RXRA: variants seen among roughly 807,000 people sequenced by gnomAD.
RXRA encodes the protein retinoid X receptor alpha.
In RXRA, 5 loss-of-function variants were observed where a neutral mutation model predicts 44.5. The ratio of observed to expected loss-of-function variants is 0.11; its 90% CI spans 0.06 to 0.24. The LOEUF is 0.24. Ranked by LOEUF, RXRA falls within the 10% of genes least tolerant of loss-of-function variation. The pLI is 1.00. For synonymous variants in RXRA, 291 were observed against 271.4 expected (o/e 1.07, Z -0.71); for missense variants, 412 against 646.5 (o/e 0.64, Z 3.93).
At chr9:134,332,540 G>A (rs1171891721) in intron 1 of RXRA, among the ~76,000 whole-genome samples, 1 of 151,910 alleles carries the variant, frequency 6.6e-6, no homozygotes, top group Admixed American at 6.5e-5. Context: ...GGGGAGGGGT[G>A]CCCAGAGGTA....
At chr9:134,386,612 C>T (rs1332784759) in intron 1 of RXRA, among the ~76,000 whole-genome samples, 1 of 152,216 alleles carries the variant, frequency 6.6e-6, no homozygotes, top group African/African-American at 2.4e-5. Flanking sequence ...CGTGGCCGTG[C>T]TGAGGGTGTC....
chr9:134,363,483 C>G (rs1348424581), intron 1 of RXRA, among the ~76,000 whole-genome samples: 1 of 152,260 alleles, frequency 6.6e-6, no homozygotes, highest in African/African-American at 2.4e-5. Context: ...AGCCCAGGCT[C>G]CTGGGTACCG....
intron 4 of RXRA, among the ~76,000 whole-genome samples, chr9:134,414,137 A>G (rs2119171109): frequency 6.6e-6 from 1 of 152,382 alleles, no homozygotes; most frequent in East Asian, 1.9e-4. Context: ...TCATATTTAT[A>G]ATGATGCTGG....
At chr9:134,418,796 G>A (rs116356116) in intron 5 of RXRA, among the ~76,000 whole-genome samples, 1,754 of 152,294 alleles carry the variant, frequency 0.012, 30 homozygotes, top group African/African-American at 0.038. Flanking sequence ...CGAGGCTGCT[G>A]GTGATGGCTG....
intron 7 of RXRA, among the ~76,000 whole-genome samples, chr9:134,431,090 C>T (rs1238145618): frequency 6.6e-6 from 1 of 152,246 alleles, no homozygotes; most frequent in African/African-American, 2.4e-5. Flanking sequence ...CCTTGGCCCA[C>T]AGGGGAGAGC....
chr9:134,391,508 CTGTGGGGCAGGCGGGG>C (rs1830799409), intron 1 of RXRA, among the ~76,000 whole-genome samples: 1 of 152,234 alleles, frequency 6.6e-6, no homozygotes, highest in African/African-American at 2.4e-5. Flanking sequence ...CACAGGCGGG[CTGTGGGGCAGGCGGGG>C]TTTCTCCAGG....
chr9:134,390,389 C>T (rs866179643), intron 1 of RXRA, among the ~76,000 whole-genome samples: 18 of 152,222 alleles, frequency 1.2e-4, no homozygotes, highest in South Asian at 4.1e-4. Flanking sequence ...CTCCCCATTA[C>T]ACTCCCAAAG....
intron 4 of RXRA, among the ~76,000 whole-genome samples, chr9:134,412,551 G>A (rs74792631): frequency 0.015 from 2,224 of 152,320 alleles, 51 homozygotes; most frequent in African/African-American, 0.049. Context: ...AGCATCTCAG[G>A]TTGGGCAATG....
At chr9:134,355,238 A>T (rs1554749933) in intron 1 of RXRA, among the ~76,000 whole-genome samples, 2 of 152,152 alleles carry the variant, frequency 1.3e-5, no homozygotes, top group African/African-American at 2.4e-5. Flanking sequence ...TGCCAGGTGT[A>T]TGAGAAGTAC....
intron 6 of RXRA, chr9:134,423,378 G>A (rs566701738): frequency 5.1e-6 from 5 of 985,470 alleles, no homozygotes; most frequent in South Asian, 4.7e-5. Flanking sequence ...GCCTCAGCCC[G>A]ACTGGGGAGC....
intron 7 of RXRA, 72 bp downstream of exon 7, chr9:134,429,312 C>T: frequency 6.6e-7 from 1 of 1,504,540 alleles, no homozygotes; most frequent in Non-Finnish European, 9.1e-7. Flanking sequence ...GTTCAGCCAC[C>T]TTGGCCCCGG....
chr9:134,348,348 A>G (rs1180047933), intron 1 of RXRA, among the ~76,000 whole-genome samples: 1 of 152,164 alleles, frequency 6.6e-6, no homozygotes, highest in Non-Finnish European at 1.5e-5. Flanking sequence ...ACAGAGCAGC[A>G]TTTGCTGGTG....
chr9:134,407,658 A>G lies in RXRA; in HGVS notation c.280-491A>G, dbSNP rs551490721. 2.2e-4 allele frequency among the ~76,000 whole-genome samples: 33 copies of G among 151,446 alleles called. No homozygotes were observed. The highest frequency in any genetic ancestry group is 7.8e-4 in the African/African-American group (32 of 41,138). Reference sequence around the variant, plus strand: ...CCTGCCCTGCGGTGTTGTGGGGTGTATGTGTGGTTCTTGGGGGGGTCCCCA... The same window carrying G: ...CCTGCCCTGCGGTGTTGTGGGGTGTGTGTGTGGTTCTTGGGGGGGTCCCCA... On this transcript the variant is annotated intron_variant, in intron 2 of 9. Transcript: ENST00000481739. This position sits in a 1 kb window ranked among gnomAD's most constrained non-coding sequence, Gnocchi z 4.8.
rs989066787 is a variant in RXRA at position 134,423,762 on chromosome 9, TC to T, written c.910+1962del. On this transcript the variant is annotated intron_variant, in intron 6 of 9. Transcript: ENST00000481739. ...GAACCCTGCCCTTGTTTGCAGGGGC[TC>T]CCCCAGAACCCTCGGTTCAGAGCCC... is the stretch of plus-strand genomic sequence containing the variant. The T allele has an allele frequency of 5.0e-5, 49 of 985,358 alleles. No homozygotes were observed. In the African/African-American group the frequency reaches 7.8e-4, roughly 16 times the overall value. 61.0% of individuals were successfully genotyped at this position (985,358 alleles called of 1,614,324 possible).
At chr9:134,422,895 C>T (rs1831371361) in intron 6 of RXRA, 1 of 985,474 alleles carries the variant, frequency 1.0e-6, no homozygotes, top group African/African-American at 1.7e-5. Flanking sequence ...CACGTGCTCT[C>T]TGCCCTTCTC....
chr9:134,358,018 C>G (rs1830303468), intron 1 of RXRA, among the ~76,000 whole-genome samples: 1 of 152,200 alleles, frequency 6.6e-6, no homozygotes, highest in Admixed American at 6.5e-5. Context: ...AGAGGCGTAC[C>G]CACTGTGCTC....
chr9:134,361,749 A>G (rs1830354902), intron 1 of RXRA, among the ~76,000 whole-genome samples: 1 of 152,192 alleles, frequency 6.6e-6, no homozygotes, highest in African/African-American at 2.4e-5. Flanking sequence ...TGTGGCTTCC[A>G]GGACTGCCTG....
chr9:134,362,388 G>T (rs1830362917), intron 1 of RXRA, among the ~76,000 whole-genome samples: 1 of 152,178 alleles, frequency 6.6e-6, no homozygotes, highest in African/African-American at 2.4e-5. Flanking sequence ...GCCTCGCTGG[G>T]TGCCCCTGCA....
intron 2 of RXRA, 83 bp from the exon 3 acceptor site, chr9:134,408,066 C>T (rs35762130): frequency 0.055 from 58,881 of 1,068,446 alleles, 1,913 homozygotes; most frequent in Non-Finnish European, 0.065. Flanking sequence ...GGTACAGCTG[C>T]GCCATCCTTG....
Sources: gnomAD v4.1 joint callset for allele counts (sites outside exome capture counted in the v4.1 genomes callset) on GRCh38, gnomAD v4.1.1 for gene constraint, Gnocchi (gnomAD v3.1) non-coding constraint, MANE v1.5 for transcripts, NCBI Gene and HGNC (gene_info 2026-07-23, HGNC 2026-07-21) for gene names.